WDR70: variants seen among roughly 807,000 people sequenced by gnomAD.
WDR70 encodes the protein WD repeat domain 70.
A neutral mutation model predicts 88.6 loss-of-function variants in WDR70; 53 were observed. That is an observed-to-expected ratio of 0.60 (90% CI 0.48 to 0.75). The LOEUF is 0.75. Ranked by LOEUF, WDR70 falls within the 30% of genes least tolerant of loss-of-function variation. WDR70 has a pLI of 0.00. For synonymous variants in WDR70, 280 were observed against 270.0 expected (o/e 1.04, Z -0.36); for missense variants, 610 against 823.2 (o/e 0.74, Z 3.17).
At chr5:37,647,436 T>C (rs1241824260) in intron 10 of WDR70, among the ~76,000 whole-genome samples, 1 of 152,206 alleles carries the variant, frequency 6.6e-6, no homozygotes, top group Non-Finnish European at 1.5e-5. Flanking sequence ...GGGATTTTTT[T>C]TGGTGACTGG....
In WDR70 at chr5:37,605,078, G is replaced by A; in HGVS notation, c.932G>A (p.Trp311Ter). ...TCSNDATVRT[W>*]EVENPKKQKS... is the part of the protein sequence containing the mutation. Reference sequence around the variant, plus strand: ...ATCATTTTTAGGACTGTGAGGACGTGGGAAGTTGAAAATCCAAAGAAGCAA... The same window carrying A: ...ATCATTTTTAGGACTGTGAGGACGTAGGAAGTTGAAAATCCAAAGAAGCAA... The change falls in exon 10 of 18, where the codon TGG becomes TAG. Residue 311 changes from tryptophan (W) to a stop codon, truncating the protein, a stop_gained. Transcript: ENST00000265107. LOFTEE classifies it high-confidence loss of function. 1 of 1,610,460 alleles carries A rather than the reference G, an allele frequency of 6.2e-7. No homozygotes were observed. The highest frequency in any genetic ancestry group is 8.5e-7 in the Non-Finnish European group (1 of 1,178,210).
At chr5:37,662,519 GT>G (rs1745730169) in intron 10 of WDR70, among the ~76,000 whole-genome samples, 1 of 152,120 alleles carries the variant, frequency 6.6e-6, no homozygotes, top group Non-Finnish European at 1.5e-5. Context: ...TAATAAGTGA[GT>G]TACAACATCT....
intron 5 of WDR70, 72 bp from the exon 6 acceptor site, chr5:37,437,850 G>C: frequency 7.2e-7 from 1 of 1,388,934 alleles, no homozygotes; most frequent in Admixed American, 2.6e-5. Context: ...TGTATTTCCT[G>C]TGAAATGTGT....
At chr5:37,463,373 C>T (rs1739069731) in intron 7 of WDR70, among the ~76,000 whole-genome samples, 1 of 152,154 alleles carries the variant, frequency 6.6e-6, no homozygotes, top group Non-Finnish European at 1.5e-5. Flanking sequence ...GAACTCCTGA[C>T]TCACATTCCA....
chr5:37,715,036 G>A (rs970181377), intron 13 of WDR70, among the ~76,000 whole-genome samples: 1 of 152,030 alleles, frequency 6.6e-6, no homozygotes, highest in African/African-American at 2.4e-5. Flanking sequence ...CTGCTTTAGT[G>A]GTTACCTTTA....
At chr5:37,565,560 C>A (rs1581399321) in intron 9 of WDR70, among the ~76,000 whole-genome samples, 1 of 152,114 alleles carries the variant, frequency 6.6e-6, no homozygotes, top group East Asian at 1.9e-4. Flanking sequence ...GAAAGAAGAA[C>A]CTTGAGTAGA....
At chr5:37,571,635 G>T (rs766697100) in intron 9 of WDR70, among the ~76,000 whole-genome samples, 11 of 152,134 alleles carry the variant, frequency 7.2e-5, no homozygotes, top group Admixed American at 3.9e-4. Flanking sequence ...CTTTGATTTA[G>T]CATGCAACAC....
intron 10 of WDR70, among the ~76,000 whole-genome samples, chr5:37,619,198 T>C (rs537001163): frequency 1.3e-5 from 2 of 152,266 alleles, no homozygotes; most frequent in South Asian, 4.1e-4. Context: ...ATTTGTGTTA[T>C]TCTAGCCAAT....
At chr5:37,595,508 G>T (rs1231305876) in intron 9 of WDR70, among the ~76,000 whole-genome samples, 1 of 152,114 alleles carries the variant, frequency 6.6e-6, no homozygotes, top group Non-Finnish European at 1.5e-5. Flanking sequence ...TAACATTTCA[G>T]TTCTTCCCAA....
chr5:37,612,910 A>G (rs1183001489), intron 10 of WDR70, among the ~76,000 whole-genome samples: 2 of 152,220 alleles, frequency 1.3e-5, no homozygotes, highest in African/African-American at 4.8e-5. Context: ...CCTATTTTCA[A>G]TGGTTACATT....
At chr5:37,676,376 A>C (rs559721385) in intron 10 of WDR70, among the ~76,000 whole-genome samples, 10 of 152,234 alleles carry the variant, frequency 6.6e-5, no homozygotes, top group Middle Eastern at 3.4e-3. Flanking sequence ...TGGGTTTGTC[A>C]TAGATAGCTC....
chr5:37,675,842 G>C (rs866679686), intron 10 of WDR70, among the ~76,000 whole-genome samples: 1 of 152,026 alleles, frequency 6.6e-6, no homozygotes, highest in Non-Finnish European at 1.5e-5. Flanking sequence ...CCATTTTCAC[G>C]ATATTTATTC....
intron 3 of WDR70, among the ~76,000 whole-genome samples, chr5:37,388,204 C>T (rs951280138): frequency 1.3e-5 from 2 of 151,918 alleles, no homozygotes; most frequent in Non-Finnish European, 2.9e-5. Context: ...ACTGCAACCT[C>T]CTCCTCCCAG....
intron 5 of WDR70, among the ~76,000 whole-genome samples, chr5:37,402,271 T>C (rs1424427591): frequency 6.6e-6 from 1 of 151,114 alleles, no homozygotes; most frequent in Non-Finnish European, 1.5e-5. Context: ...TTTTATACTT[T>C]CTAAATTTAG....
intron 3 of WDR70, among the ~76,000 whole-genome samples, chr5:37,384,393 G>A (rs1748537102): frequency 6.6e-6 from 1 of 151,790 alleles, no homozygotes; most frequent in Admixed American, 6.6e-5. Flanking sequence ...TGTTGGCCAG[G>A]CGCAGTGGAT....
chr5:37,685,546 C>G (rs1391843216), intron 10 of WDR70, among the ~76,000 whole-genome samples: 1 of 152,074 alleles, frequency 6.6e-6, no homozygotes. Flanking sequence ...GTCAGACCAG[C>G]CCCATCTGAT....
chr5:37,655,972 G>C (rs1383864741), intron 10 of WDR70, among the ~76,000 whole-genome samples: 1 of 151,808 alleles, frequency 6.6e-6, no homozygotes, highest in Non-Finnish European at 1.5e-5. Flanking sequence ...ATCCAGTTCT[G>C]TTCCCTTGCT....
At position 37,468,798 on chromosome 5, in the gene WDR70, T is replaced by C. The variant is rs560894398; in HGVS notation, c.687-11036T>C. Among the ~76,000 whole-genome samples the C allele has an allele frequency of 2.0e-5, 3 of 152,360 alleles. No homozygotes were observed. In the South Asian group the frequency reaches 6.2e-4, roughly 32 times the overall value. On this transcript the variant is annotated intron_variant, in intron 7 of 17. Transcript: ENST00000265107. ...TACACTTTTTTCTTGTCCTTATTCC[T>C]TACACAATATAGTACAATAACTATC...
intron 5 of WDR70, among the ~76,000 whole-genome samples, chr5:37,402,807 G>C (rs988004767): frequency 6.6e-6 from 1 of 151,784 alleles, no homozygotes; most frequent in African/African-American, 2.4e-5. Context: ...CCCAGCCCCC[G>C]AACCTTCCCA....
Sources: gnomAD v4.1 joint callset for allele counts (sites outside exome capture counted in the v4.1 genomes callset) on GRCh38, gnomAD v4.1.1 for gene constraint, MANE v1.5 for transcripts, NCBI Gene and HGNC (gene_info 2026-07-23, HGNC 2026-07-21) for gene names.